Variants in PTGS1 observed in about 807,000 individuals in gnomAD.
The protein encoded by PTGS1 is prostaglandin-endoperoxide synthase 1.
A neutral mutation model predicts 63.0 loss-of-function variants in PTGS1; 40 were observed. That is an observed-to-expected ratio of 0.63 (90% CI 0.49 to 0.83). PTGS1 has a LOEUF of 0.83. Among genes scored for constraint, PTGS1 ranks in the 40% least tolerant of loss-of-function variants. The probability of loss-of-function intolerance (pLI) is 0.00; values close to 1 mark genes in which losing one functional copy is unlikely to be tolerated. For synonymous variants in PTGS1, 298 were observed against 301.9 expected (o/e 0.99, Z 0.13); for missense variants, 709 against 786.5 (o/e 0.90, Z 1.18).
rs567435569 is a variant in PTGS1, at chr9:122,375,214, G to T, written c.95-2685G>T. 4 of 818,966 alleles carry T rather than the reference G, an allele frequency of 4.9e-6. No individual in the cohort carries two copies. The African/African-American group carries it at 5.6e-5, about 11-fold the overall frequency. 50.7% of individuals were successfully genotyped at this position (818,966 alleles called of 1,614,324 possible). ...ATGGAAAGAACGTGGCGGGGGAGGC[G>T]GGAGGGGGGAAGCTGGATGGGCCGG... On this transcript the variant is annotated intron_variant, in intron 2 of 10. Coordinates refer to ENST00000362012, the MANE Select transcript of PTGS1 (RefSeq NM_000962.4).
intron 9 of PTGS1, among the ~76,000 whole-genome samples, chr9:122,387,155 C>T (rs928954078): frequency 4.6e-5 from 7 of 151,540 alleles, no homozygotes; most frequent in Admixed American, 6.6e-5. Context: ...CCCAGAGTTG[C>T]GGGTTATGGG....
At chr9:122,371,899 G>C (rs1588114210) in intron 2 of PTGS1, 2 of 1,224,694 alleles carry the variant, frequency 1.6e-6, no homozygotes, top group Admixed American at 2.0e-5. Context: ...ACTCAGGTCT[G>C]TCTGCGTCCA....
rs749977121 is a variant in PTGS1 at position 122,371,212 on chromosome 9, T to C, written c.34T>C (p.Phe12Leu). ...GAGTCTCTTGCTCTGGTTCTTGCTG[T>C]TCCTGCTCCTGCTCCCGCCGCTCCC... is the stretch of plus-strand genomic sequence containing the variant. ...SRSLLLWFLL[F>L]LLLLPPLPVL... Residue 12 changes from phenylalanine to leucine, a missense_variant, in exon 2 of 11, where the codon TTC becomes CTC. Transcript: ENST00000362012. 6.2e-7 allele frequency: 1 copy of C among 1,608,474 alleles called. No individual in the cohort carries two copies. Among genetic ancestry groups the C allele is most frequent in the South Asian group, 1.1e-5 (1 of 91,082 alleles).
At chr9:122,376,493 G>A (rs1837173370) in intron 2 of PTGS1, among the ~76,000 whole-genome samples, 2 of 152,064 alleles carry the variant, frequency 1.3e-5, no homozygotes, top group Admixed American at 1.3e-4. Context: ...TGAGACCAGG[G>A]CAGGGGATAG....
At chr9:122,381,339 G>C (rs2119148287) in intron 5 of PTGS1, 32 bp from the exon 6 acceptor site, 2 of 1,606,302 alleles carry the variant, frequency 1.2e-6, no homozygotes, top group South Asian at 2.2e-5. Context: ...CCAGATAGGA[G>C]AAGCTACTGC....
intron 2 of PTGS1, among the ~76,000 whole-genome samples, chr9:122,376,402 G>A (rs1469257372): frequency 1.3e-5 from 2 of 150,320 alleles, no homozygotes; most frequent in Admixed American, 6.7e-5. Context: ...TTGAGGTGGT[G>A]TTGCCGTCTT....
Position 122,383,680 on chromosome 9 carries a change from T to A in PTGS1, c.934T>A (p.Cys312Ser), listed in dbSNP as rs1837682376. The A allele has an allele frequency of 6.2e-7, 1 of 1,614,050 alleles. No individual in the cohort carries two copies. The highest frequency in any genetic ancestry group is 8.5e-7 in the Non-Finnish European group (1 of 1,179,950). The change falls in exon 8 of 11, where the codon TGT becomes AGT. Residue 312 changes from cysteine (C) to serine (S), a missense_variant. Coordinates refer to ENST00000362012, the MANE Select transcript of PTGS1 (RefSeq NM_000962.4). ...CTGGCTACGTGAGCACAACCGTGTG[T>A]GTGACCTGCTGAAGGCTGAGCACCC... is the stretch of plus-strand genomic sequence containing the variant. ...TLWLREHNRV[C>S]DLLKAEHPTW...
intron 2 of PTGS1, among the ~76,000 whole-genome samples, chr9:122,377,412 C>G (rs898118626): frequency 6.6e-5 from 10 of 152,002 alleles, no homozygotes; most frequent in Admixed American, 5.9e-4. Context: ...TCCTAGTGTT[C>G]ATGGGGTGGT....
chr9:122,379,730 G>A (rs1156350328), intron 5 of PTGS1, among the ~76,000 whole-genome samples: 2 of 152,214 alleles, frequency 1.3e-5, no homozygotes, highest in Non-Finnish European at 2.9e-5. Flanking sequence ...CCCAGTGTCA[G>A]TGAGTGATGA....
chr9:122,381,549 T>C lies in PTGS1; in HGVS notation c.675T>C (p.His225=), dbSNP rs148452494. 24 of 1,614,008 alleles carry C rather than the reference T, an allele frequency of 1.5e-5. No individual in the cohort carries two copies. Among genetic ancestry groups the C allele is most frequent in the East Asian group, 2.2e-5 (1 of 44,890 alleles). ...MGPGFTKALG[H]GVDLGHIYGD... is the part of the protein sequence containing the mutation. The stretch of plus-strand genomic sequence containing the variant: ...CTGGCTTCACCAAGGCCTTGGGCCA[T>C]GGGGTGAGTACCTAGGAGGGGCTCA... The change falls in exon 6 of 11, where the codon CAT becomes CAC. Residue 225 remains histidine, a synonymous_variant. Coordinates refer to ENST00000362012, the MANE Select transcript of PTGS1 (RefSeq NM_000962.4).
In PTGS1 at chr9:122,378,912, A is replaced by G; in HGVS notation, c.490A>G (p.Thr164Ala). Residue 164 changes from threonine (T) to alanine (A), a missense_variant, in exon 5 of 11, where the codon ACC becomes GCC. By Grantham distance (58) the Thr-to-Ala change is moderately conservative. Coordinates refer to ENST00000362012, the MANE Select transcript of PTGS1 (RefSeq NM_000962.4). ...VPKDCPTPMG[T>A]KGKKQLPDAQ... Reference sequence around the variant, plus strand: ...TAAAGATTGCCCCACACCCATGGGAACCAAAGGTAAAATGGGGTGAGGAGC... The same window carrying G: ...TAAAGATTGCCCCACACCCATGGGAGCCAAAGGTAAAATGGGGTGAGGAGC... 1 of 1,614,182 alleles carries G rather than the reference A, an allele frequency of 6.2e-7. No homozygotes were observed. Among genetic ancestry groups the G allele is most frequent in the Non-Finnish European group, 8.5e-7 (1 of 1,180,006 alleles).
At chr9:122,387,493 GTAAT>G (rs1837941702) in intron 9 of PTGS1, among the ~76,000 whole-genome samples, 1 of 152,196 alleles carries the variant, frequency 6.6e-6, no homozygotes, top group African/African-American at 2.4e-5. Flanking sequence ...CTTTAAAGAG[GTAAT>G]TAAGTTTAAT....
Position 122,392,743 on chromosome 9 carries a change from G to C in PTGS1, c.*199G>C. The C allele has an allele frequency of 1.8e-6, 1 of 552,596 alleles. No homozygotes were observed. The highest frequency in any genetic ancestry group is 3.2e-6 in the Non-Finnish European group (1 of 316,154). 34.2% of individuals were successfully genotyped at this position (552,596 alleles called of 1,614,324 possible). ...ATTCTTCCAGAATGCTGAACTCCTT[G>C]TTAGCCCTTCAGATTGTTAGGAGTG... On this transcript the variant is annotated 3_prime_UTR_variant, in exon 11 of 11. Transcript: ENST00000362012.
chr9:122,380,464 CAAAA>C (rs1212366547), intron 5 of PTGS1, among the ~76,000 whole-genome samples: 7 of 135,928 alleles, frequency 5.1e-5, no homozygotes, highest in African/African-American at 2.0e-4. Flanking sequence ...GACCCTGTCT[CAAAA>C]ATAAATAAAT....
rs745440239 is a variant in PTGS1, at chr9:122,381,758, G to A, written c.762+11G>A. On this transcript the variant is annotated intron_variant, in intron 7 of 10. Coordinates refer to ENST00000362012, the MANE Select transcript of PTGS1 (RefSeq NM_000962.4). The stretch of plus-strand genomic sequence containing the variant: ...AAACTCAAGTACCAGGTAGTGCTGG[G>A]CCAGGGGGTAGGGCAGAGGGAGGGG... 10 of 1,592,920 alleles carry A rather than the reference G, an allele frequency of 6.3e-6. No individual in the cohort carries two copies. Among genetic ancestry groups the A allele is most frequent in the Non-Finnish European group, 8.5e-6 (10 of 1,176,442 alleles).
intron 5 of PTGS1, among the ~76,000 whole-genome samples, chr9:122,380,125 T>A (rs970626126): frequency 2.6e-5 from 4 of 152,170 alleles, no homozygotes; most frequent in South Asian, 2.1e-4. Context: ...CTAGTCCTTT[T>A]GGACTCTTGG....
upstream of PTGS1, chr9:122,370,914 G>A (rs989575499): frequency 2.7e-6 from 3 of 1,104,002 alleles, no homozygotes; most frequent in Non-Finnish European, 3.8e-6. Flanking sequence ...AAAATGCCTT[G>A]GCCGGGGCTG....
intron 5 of PTGS1, among the ~76,000 whole-genome samples, chr9:122,380,222 G>A (rs1837424296): frequency 6.6e-6 from 1 of 152,066 alleles, no homozygotes; most frequent in Non-Finnish European, 1.5e-5. Flanking sequence ...CCAGCACTTT[G>A]GGAGGTTGGG....
chr9:122,385,840 C>T (rs189525624), intron 8 of PTGS1, among the ~76,000 whole-genome samples: 77 of 152,214 alleles, frequency 5.1e-4, no homozygotes, highest in Middle Eastern at 6.8e-3. Flanking sequence ...TTCTTGGACA[C>T]CTCCTTTGCA....
Sources: allele counts gnomAD v4.1 joint callset (sites outside exome capture counted in the v4.1 genomes callset), GRCh38; gene constraint gnomAD v4.1.1; transcripts MANE v1.5; gene names NCBI Gene and HGNC (gene_info 2026-07-23, HGNC 2026-07-21).